The following PKD2 variants were observed in gnomAD, a reference collection of about 807,000 sequenced individuals.
PKD2 encodes the protein polycystin 2, transient receptor potential cation channel.
Under a neutral mutation model 105.9 loss-of-function variants are expected in PKD2, and 48 were observed. The observed-to-expected ratio is 0.45, with a 90% CI of 0.36 to 0.58. PKD2 has a LOEUF of 0.58. Among genes scored for constraint, PKD2 ranks in the 20% least tolerant of loss-of-function variants. The pLI, the probability that PKD2 is intolerant of heterozygous loss-of-function variation, is 0.00. For missense variants in PKD2, 1,078 were observed against 1,255.3 expected, an observed-to-expected ratio of 0.86 and a Z score of 2.13; for synonymous variants, 464 against 481.1, an observed-to-expected ratio of 0.96 and a Z score of 0.46.
intron 9 of PKD2, among the ~76,000 whole-genome samples, chr4:88,059,381 T>C (rs554736541): frequency 1.4e-4 from 21 of 152,304 alleles, no homozygotes; most frequent in African/African-American, 4.3e-4. Flanking sequence ...GTACTTCGGA[T>C]TCTAGAGTAC....
chr4:88,027,051 G>T (rs1726984067), intron 2 of PKD2, among the ~76,000 whole-genome samples: 1 of 152,216 alleles, frequency 6.6e-6, no homozygotes, highest in Non-Finnish European at 1.5e-5. Context: ...CTCTGCTAGG[G>T]CAATGCAGGG....
At chr4:88,063,265 ATGGGTG>A (rs1359005013) in intron 10 of PKD2, among the ~76,000 whole-genome samples, 1 of 152,222 alleles carries the variant, frequency 6.6e-6, no homozygotes, top group African/African-American at 2.4e-5. Context: ...GAAAAAGAGA[ATGGGTG>A]CAGTGGCTCA....
At position 88,063,929 on chromosome 4, in the gene PKD2, T is replaced by TA. The variant is rs543739806; in HGVS notation, c.2119-1445_2119-1444insA. On this transcript the variant is annotated intron_variant, in intron 10 of 14. Transcript: ENST00000237596. Reference sequence around the variant, plus strand: ...CAGCACTTTGAGAGGCCAAGGTGGGTGGATCACTTGAGGCCAGGAAGTCGA... The same window carrying TA: ...CAGCACTTTGAGAGGCCAAGGTGGGTAGGATCACTTGAGGCCAGGAAGTCGA... Among the ~76,000 whole-genome samples, 8 of 152,228 alleles carry TA rather than the reference T, an allele frequency of 5.3e-5. No homozygotes were observed. The East Asian group carries it at 1.5e-3, about 29-fold the overall frequency.
At chr4:88,012,247 A>C (rs1726408563) in intron 1 of PKD2, among the ~76,000 whole-genome samples, 1 of 152,220 alleles carries the variant, frequency 6.6e-6, no homozygotes, top group Non-Finnish European at 1.5e-5. Context: ...CTCATCCGTC[A>C]CCACTTTACT....
In PKD2 at chr4:88,020,679, T is replaced by G. The variant is rs35316489; in HGVS notation, c.709+1108T>G. Among the ~76,000 whole-genome samples, 361 of 151,592 alleles carry G rather than the reference T, an allele frequency of 2.4e-3. 3 individuals carry two copies. The highest frequency in any genetic ancestry group is 8.4e-3 in the African/African-American group (346 of 41,344). On this transcript the variant is annotated intron_variant, in intron 2 of 14. Transcript: ENST00000237596. ...CCTACCAAACTCCTCTGAGAAAAGG[T>G]TTCCTTTTTTTTTTTTTTTTTTAAA...
chr4:88,062,862 A>G (rs1390916540), intron 10 of PKD2, among the ~76,000 whole-genome samples: 2 of 152,208 alleles, frequency 1.3e-5, no homozygotes, highest in Admixed American at 6.5e-5. Context: ...TCCGCATAAC[A>G]GTTGCTTACA....
intron 13 of PKD2, among the ~76,000 whole-genome samples, chr4:88,072,998 G>T (rs972311278): frequency 4.2e-5 from 6 of 142,672 alleles, no homozygotes; most frequent in Non-Finnish European, 9.0e-5. Context: ...TTACACCATT[G>T]CACGCCAGCC....
At chr4:88,049,109 T>A (rs1311755856) in intron 6 of PKD2, among the ~76,000 whole-genome samples, 5 of 152,248 alleles carry the variant, frequency 3.3e-5, no homozygotes, top group Admixed American at 3.3e-4. Context: ...TAGTCAGTGG[T>A]ATTCACCCTT....
intron 2 of PKD2, among the ~76,000 whole-genome samples, chr4:88,021,089 T>G (rs751422069): frequency 3.3e-5 from 5 of 152,242 alleles, no homozygotes; most frequent in Non-Finnish European, 7.3e-5. Flanking sequence ...GCAGTGGCCT[T>G]AAATATTAAC....
In PKD2 at chr4:88,057,963, G is replaced by A. The variant is rs1362143183; in HGVS notation, c.1899-20G>A. 6 of 1,569,882 alleles carry A rather than the reference G, an allele frequency of 3.8e-6. No individual in the cohort carries two copies. The East Asian group carries it at 6.7e-5, about 18-fold the overall frequency. ...ACATTCTTTGTTTTTGTATTGTGGT[G>A]TTTTGTTTTATTTTTATAGCTTCAC... On this transcript the variant is annotated intron_variant, in intron 8 of 14. Transcript: ENST00000237596.
At chr4:88,034,320 G>T (rs993524148) in intron 2 of PKD2, among the ~76,000 whole-genome samples, 1 of 151,980 alleles carries the variant, frequency 6.6e-6, no homozygotes, top group Non-Finnish European at 1.5e-5. Context: ...CTCGTGTTTG[G>T]ATCATTATTA....
chr4:88,035,714 A>T (rs768652660), intron 2 of PKD2, among the ~76,000 whole-genome samples: 2 of 152,226 alleles, frequency 1.3e-5, no homozygotes, highest in African/African-American at 2.4e-5. Flanking sequence ...GATTAGCCTC[A>T]GGGCACAGAA....
intron 4 of PKD2, 110 bp from the exon 5 acceptor site, chr4:88,043,123 T>G (rs1322125773): frequency 1.4e-6 from 1 of 735,964 alleles, no homozygotes; most frequent in African/African-American, 1.7e-5. Flanking sequence ...GTACCCAGCT[T>G]GATAGGCCTT....
At chr4:88,040,562 T>G (rs1020584460) in intron 4 of PKD2, among the ~76,000 whole-genome samples, 1 of 152,228 alleles carries the variant, frequency 6.6e-6, no homozygotes, top group Non-Finnish European at 1.5e-5. Flanking sequence ...TAGTCTTCAT[T>G]TGCCACTTCC....
chr4:88,065,853 A>T lies in PKD2; in HGVS notation c.2332A>T (p.Met778Leu). ...ACTGACCGAACATGAACATCAGCAG[A>T]TGAGAGACGACTTGGAGAAAGAGAG... ...QELTEHEHQQMRDDLEKERED... is the reference protein window; with the variant it reads ...QELTEHEHQQLRDDLEKERED... Residue 778 changes from methionine to leucine, a missense_variant, in exon 12 of 15, where the codon ATG becomes TTG. Met to Leu is a conservative substitution (Grantham distance 15). This residue lies in a region of PKD2 where 868 missense variants were observed against 1,067.3 expected (regional missense o/e 0.81). Transcript: ENST00000237596. The T allele has an allele frequency of 3.1e-6, 5 of 1,611,576 alleles. No individual in the cohort carries two copies. The highest frequency in any genetic ancestry group is 4.2e-6 in the Non-Finnish European group (5 of 1,177,690).
At chr4:88,008,400 C>A in intron 1 of PKD2, 72 bp downstream of exon 1, 1 of 1,455,388 alleles carries the variant, frequency 6.9e-7, no homozygotes, top group Non-Finnish European at 9.1e-7. Context: ...CCATCGCCCG[C>A]TGCGGCAGCT....
intron 13 of PKD2, among the ~76,000 whole-genome samples, chr4:88,072,703 G>C (rs1721077608): frequency 6.6e-6 from 1 of 152,136 alleles, no homozygotes; most frequent in Admixed American, 6.5e-5. Context: ...ATTCCCCTTA[G>C]CCACTCTTAA....
In PKD2 at chr4:88,074,827, G is replaced by C; in HGVS notation, c.2538G>C (p.Val846=). 6.2e-7 allele frequency: 1 copy of C among 1,614,076 alleles called. No homozygotes were observed. The highest frequency in any genetic ancestry group is 8.5e-7 in the Non-Finnish European group (1 of 1,179,950). Reference sequence around the variant, plus strand: ...TTCCTTGCAGCCTGGTGAGACGAGTGGACCGGATGGAGCATTCCATCGGCA... The same window carrying C: ...TTCCTTGCAGCCTGGTGAGACGAGTCGACCGGATGGAGCATTCCATCGGCA... The part of the protein sequence containing the change: ...YEEFQVLVRR[V]DRMEHSIGSI... The change falls in exon 14 of 15, where the codon GTG becomes GTC. Residue 846 remains valine, a synonymous_variant. Transcript: ENST00000237596.
intron 2 of PKD2, among the ~76,000 whole-genome samples, chr4:88,030,502 C>T (rs1185488372): frequency 6.6e-6 from 1 of 152,222 alleles, no homozygotes; most frequent in Non-Finnish European, 1.5e-5. Context: ...ATCTTTACTT[C>T]TTCAGAACTG....
Sources: gnomAD v4.1 joint callset for allele counts (sites outside exome capture counted in the v4.1 genomes callset) on GRCh38, gnomAD v4.1.1 for gene constraint, gnomAD v4.1.1 regional missense constraint, MANE v1.5 for transcripts, NCBI Gene and HGNC (gene_info 2026-07-23, HGNC 2026-07-21) for gene names.